CNTNAP3: variants seen among roughly 807,000 people sequenced by gnomAD.
CNTNAP3 encodes the protein contactin-associated protein-like 3.
In CNTNAP3, 36 loss-of-function variants were observed where a neutral mutation model predicts 92.1. That is an observed-to-expected ratio of 0.39 (90% CI 0.30 to 0.52). The LOEUF (loss-of-function observed/expected upper bound fraction) is 0.52, where lower values mean the gene tolerates loss of function less well. Ranked by LOEUF, CNTNAP3 falls within the 20% of genes least tolerant of loss-of-function variation. The probability of loss-of-function intolerance (pLI) is 0.76; values close to 1 mark genes in which losing one functional copy is unlikely to be tolerated. For synonymous variants in CNTNAP3, 232 were observed against 422.3 expected (o/e 0.55, Z 5.53); for missense variants, 534 against 1,069.6 (o/e 0.50, Z 6.98).
intron 19 of CNTNAP3, 132 bp from the exon 20 acceptor site, chr9:39,086,981 C>CCCAATTAGATGCACCCAAAGATAA (rs1236464861): frequency 4.5e-6 from 4 of 898,456 alleles, no homozygotes; most frequent in Non-Finnish European, 6.6e-6. Context: ...TTTAGATGCA[C>CCCAATTAGATGCACCCAAAGATAA]CCAATAGTTA....
At chr9:39,174,475 T>C (rs998676669) in intron 7 of CNTNAP3, 4 of 636,034 alleles carry the variant, frequency 6.3e-6, no homozygotes, top group Non-Finnish European at 8.7e-6. Context: ...GTATTCATTG[T>C]GTGGTCTGGT....
At chr9:39,105,720 G>C (rs974115002) in intron 15 of CNTNAP3, among the ~76,000 whole-genome samples, 17 of 151,980 alleles carry the variant, frequency 1.1e-4, no homozygotes, top group African/African-American at 2.2e-4. Context: ...ATTTCTTCAA[G>C]GAGTCGTGGT....
rs897111226 is a variant in CNTNAP3, at chr9:39,096,971, TTCTC to T, written c.2995+2936_2995+2939del. Among the ~76,000 whole-genome samples, 7 of 151,518 alleles carry T rather than the reference TTCTC, an allele frequency of 4.6e-5. No individual in the cohort carries two copies. In the South Asian group the frequency reaches 8.4e-4, roughly 18 times the overall value. On this transcript the variant is annotated intron_variant, in intron 18 of 23. Transcript: ENST00000297668. Reference sequence around the variant, plus strand: ...TTTTCAAATATTTTTTTCTGATCCTTTCTCTCTCTCCTGGTATTTTCAATTACGT... The same window carrying T: ...TTTTCAAATATTTTTTTCTGATCCTTTCTCTCCTGGTATTTTCAATTACGT...
At chr9:39,074,599 AC>A (rs1281335453) in intron 23 of CNTNAP3, among the ~76,000 whole-genome samples, 5 of 151,858 alleles carry the variant, frequency 3.3e-5, no homozygotes, top group Non-Finnish European at 7.4e-5. Context: ...AAGAATAGAG[AC>A]ATACATGTCT....
intron 10 of CNTNAP3, among the ~76,000 whole-genome samples, chr9:39,147,366 A>G (rs1440480784): frequency 1.3e-5 from 2 of 152,108 alleles, no homozygotes; most frequent in Non-Finnish European, 2.9e-5. Flanking sequence ...AGGTTTTCAA[A>G]ACTTAATGTA....
chr9:39,149,939 G>C lies in CNTNAP3; in HGVS notation c.1516C>G (p.Pro506Ala), dbSNP rs1201514531. 3.1e-6 allele frequency: 5 copies of C among 1,611,650 alleles called. No individual in the cohort carries two copies. The highest frequency in any genetic ancestry group is 1.1e-5 in the South Asian group (1 of 90,978). Reference protein sequence around the residue: ...DNSSGSGCKSPLGGFQGCLRL... With the variant: ...DNSSGSGCKSALGGFQGCLRL... The stretch of plus-strand genomic sequence containing the variant: ...AGGCAGCCCTGAAACCCTCCCAGGG[G>C]GCTTTTACATCCAGAGCCAGAGCTG... Residue 506 changes from proline (P) to alanine (A), a missense_variant, in exon 10 of 24, where the codon CCC (proline) becomes GCC (alanine). Physicochemically the swap from Pro to Ala is conservative, Grantham distance 27. Transcript: ENST00000297668.
rs551712619 is a variant in CNTNAP3, at chr9:39,170,454, G to A, written c.1333+915C>T. ...TTTTTTAAAGCCCCCATTTAGTTCC[G>A]ATGCCAATTTAGGCACAATGTCAAT... On this transcript the variant is annotated intron_variant, in intron 8 of 23. Transcript: ENST00000297668. Among the ~76,000 whole-genome samples, 14 of 107,010 alleles carry A rather than the reference G, an allele frequency of 1.3e-4. 1 individual carries two copies. Among genetic ancestry groups the A allele is most frequent in the Middle Eastern group, 9.3e-3 (2 of 214 alleles). The allele number at this position is 107,010 out of a possible 152,430, so 70.2% of individuals were successfully genotyped here.
At chr9:39,074,867 C>T (rs1825713154) in intron 23 of CNTNAP3, among the ~76,000 whole-genome samples, 1 of 152,270 alleles carries the variant, frequency 6.6e-6, no homozygotes, top group Non-Finnish European at 1.5e-5. Flanking sequence ...CTCCCAGGTT[C>T]ACGCCATTCT....
At chr9:39,123,084 G>A (rs1179705826) in intron 13 of CNTNAP3, among the ~76,000 whole-genome samples, 5 of 149,974 alleles carry the variant, frequency 3.3e-5, no homozygotes, top group Non-Finnish European at 5.9e-5. Flanking sequence ...CAAACTGTTG[G>A]ACAATAATTT....
chr9:39,138,102 G>C (rs1821486733), intron 12 of CNTNAP3, among the ~76,000 whole-genome samples: 1 of 151,748 alleles, frequency 6.6e-6, no homozygotes, highest in African/African-American at 2.4e-5. Flanking sequence ...GTGTTGCCCA[G>C]ACTGGTCTTA....
At position 39,135,097 on chromosome 9, in the gene CNTNAP3, G is replaced by A. The variant is rs536414734; in HGVS notation, c.1877-1962C>T. On this transcript the variant is annotated intron_variant, in intron 12 of 23. Transcript: ENST00000297668. ...CAGGGACATTATAGGCTATGCATTT[G>A]TGTTTATAAAATTCCACTTGACTCA... Among the ~76,000 whole-genome samples, 3 of 152,252 alleles carry A rather than the reference G, an allele frequency of 2.0e-5. No individual in the cohort carries two copies. The South Asian group carries it at 6.2e-4, about 32-fold the overall frequency.
chr9:39,151,913 T>C (rs1233264632), intron 9 of CNTNAP3, among the ~76,000 whole-genome samples: 2 of 150,712 alleles, frequency 1.3e-5, no homozygotes, highest in African/African-American at 4.9e-5. Context: ...AACCTAATAT[T>C]GGCATGACAC....
intron 13 of CNTNAP3, among the ~76,000 whole-genome samples, chr9:39,129,819 GAAC>G (rs1420019367): frequency 1.2e-3 from 183 of 152,036 alleles, no homozygotes; most frequent in African/African-American, 4.1e-3. Context: ...ATTAGAAAAT[GAAC>G]AACAACAAAA....
intron 18 of CNTNAP3, among the ~76,000 whole-genome samples, chr9:39,090,903 TGTTAA>T (rs1191400563): frequency 6.6e-6 from 1 of 152,212 alleles, no homozygotes; most frequent in Non-Finnish European, 1.5e-5. Context: ...CCATTTCTTT[TGTTAA>T]ATGTATTGCT....
At chr9:39,091,168 C>CTTTTTTTTTTT (rs1319060417) in intron 18 of CNTNAP3, among the ~76,000 whole-genome samples, 17 of 117,964 alleles carry the variant, frequency 1.4e-4, no homozygotes, top group South Asian at 2.7e-4. Flanking sequence ...TGTTTTTCTT[C>CTTTTTTTTTTT]TTCTTTTTTT....
rs534757500 is a variant in CNTNAP3 at position 39,118,770 on chromosome 9, T to A, written c.2081-511A>T. On this transcript the variant is annotated intron_variant, in intron 13 of 23. Coordinates refer to ENST00000297668, the MANE Select transcript of CNTNAP3 (RefSeq NM_033655.5). ...TTTGGAGGTATTTGTTTTTATTGCATTGGATGTCCTGACTCTTTATTTGGA... is the reference window on the plus strand; with the variant it reads ...TTTGGAGGTATTTGTTTTTATTGCAATGGATGTCCTGACTCTTTATTTGGA... Among the ~76,000 whole-genome samples, 5 of 152,364 alleles carry A rather than the reference T, an allele frequency of 3.3e-5. No individual in the cohort carries two copies. The South Asian group carries it at 1.0e-3, about 32-fold the overall frequency.
chr9:39,225,785 C>T lies in CNTNAP3; in HGVS notation c.390+13208G>A, dbSNP rs1257947289. Among the ~76,000 whole-genome samples, 51 of 50,196 alleles carry T rather than the reference C, an allele frequency of 1.0e-3. 23 individuals carry two copies. The highest frequency in any genetic ancestry group is 4.6e-3 in the Non-Finnish European group (48 of 10,350). The allele number at this position is 50,196 out of a possible 152,430, so 32.9% of individuals were successfully genotyped here. A position where few individuals can be genotyped will look rare whatever the true frequency, so the allele number is the denominator to read the frequency against. ...TTTCTTCTTTGCTCCCTCCCTCCTT[C>T]CTTGTTTCTGCTACTGTTTCCTCTC... On this transcript the variant is annotated intron_variant, in intron 3 of 23. Coordinates refer to ENST00000297668, the MANE Select transcript of CNTNAP3 (RefSeq NM_033655.5).
At chr9:39,132,440 C>T (rs1360879646) in intron 13 of CNTNAP3, among the ~76,000 whole-genome samples, 1 of 151,962 alleles carries the variant, frequency 6.6e-6, no homozygotes, top group Non-Finnish European at 1.5e-5. Context: ...GTTTTAATAA[C>T]CCTAGTCATT....
rs1269743360 is a variant in CNTNAP3 at position 39,065,998 on chromosome 9, T to C, written c.*7892A>G. On this transcript the variant is annotated 3_prime_UTR_variant, in exon 24 of 24. Transcript: ENST00000297668. ...ATCAGATTTTTATTTTATATCTTGC[T>C]ATTTGCTTTCTATTTGTCCCATTTG... Among the ~76,000 whole-genome samples, 1 of 152,250 alleles carries C rather than the reference T, an allele frequency of 6.6e-6. No individual in the cohort carries two copies. Among genetic ancestry groups the C allele is most frequent in the Non-Finnish European group, 1.5e-5 (1 of 68,034 alleles).
Sources: gnomAD v4.1 joint callset for allele counts (sites outside exome capture counted in the v4.1 genomes callset) on GRCh38, gnomAD v4.1.1 for gene constraint, MANE v1.5 for transcripts, NCBI Gene and HGNC (gene_info 2026-07-23, HGNC 2026-07-21) for gene names.